CHD8: variants seen among roughly 807,000 people sequenced by gnomAD.
The protein encoded by CHD8 is chromodomain helicase DNA binding protein 8.
CHD8 carries 31 observed loss-of-function variants against 279.2 expected under a neutral mutation model. That is an observed-to-expected ratio of 0.11 (90% CI 0.08 to 0.15). The LOEUF (loss-of-function observed/expected upper bound fraction) is 0.15. Ranked by LOEUF, CHD8 falls within the 10% of genes least tolerant of loss-of-function variation. CHD8 has a pLI of 1.00. For synonymous variants in CHD8, 1,081 were observed against 1,139.6 expected (o/e 0.95, Z 1.04); for missense variants, 2,146 against 3,230.5 (o/e 0.66, Z 8.14).
At position 21,387,502 on chromosome 14, in the gene CHD8, C is replaced by T. The variant is rs796313306; in HGVS notation, c.7183-1326G>A. Among the ~76,000 whole-genome samples the T allele has an allele frequency of 2.3e-4, 35 of 152,182 alleles. 1 individual carries two copies. Among genetic ancestry groups the T allele is most frequent in the African/African-American group, 7.5e-4 (31 of 41,530 alleles). ...ACAACAAATTAGCTGGGCGTGGTGC[C>T]GCATGCCTGTAATCCCAGCTACTGG... On this transcript the variant is annotated intron_variant, in intron 37 of 37. Coordinates refer to ENST00000646647, the MANE Select transcript of CHD8 (RefSeq NM_001170629.2).
chr14:21,403,081 T>A lies in CHD8; in HGVS notation c.3650A>T (p.Asn1217Ile). 1 of 1,614,070 alleles carries A rather than the reference T, an allele frequency of 6.2e-7. No individual in the cohort carries two copies. Among genetic ancestry groups the A allele is most frequent in the Non-Finnish European group, 8.5e-7 (1 of 1,179,936 alleles). The change falls in exon 18 of 38, where the codon AAT (asparagine) becomes ATT (isoleucine). Residue 1217 changes from asparagine to isoleucine, a missense_variant. Transcript: ENST00000646647. The surrounding 1 kb of genome is among the most constrained non-coding windows in gnomAD (Gnocchi z 4.3). ...LCTRAGGLGI[N>I]LTAADTCIIF... is the part of the protein sequence containing the mutation. ...GATGCAGGTATCAGCAGCTGTAAGA[T>A]TAATACCAAGTCCACCAGCCCGGGT...
Position 21,385,497 on chromosome 14 carries a change from C to G in CHD8, c.*116G>C. ...TTTTTTTTTTTTTTCCTTTTCACCT[C>G]CTGGAGTCCTGGACTTCCCCACATC... On this transcript the variant is annotated 3_prime_UTR_variant, in exon 38 of 38. Transcript: ENST00000646647. 7.2e-7 allele frequency: 1 copy of G among 1,389,874 alleles called. No homozygotes were observed. The highest frequency in any genetic ancestry group is 2.6e-5 in the East Asian group (1 of 39,202). 86.1% of individuals were successfully genotyped at this position (1,389,874 alleles called of 1,614,324 possible).
intron 5 of CHD8, among the ~76,000 whole-genome samples, chr14:21,423,198 AC>A (rs1889131486): frequency 6.6e-6 from 1 of 152,210 alleles, no homozygotes; most frequent in Non-Finnish European, 1.5e-5. Context: ...AGCTTGGGCA[AC>A]AGAGCAGACT....
chr14:21,414,754 G>A (rs1469698549), intron 8 of CHD8, 184 bp downstream of exon 8: 15 of 641,178 alleles, frequency 2.3e-5, no homozygotes, highest in South Asian at 1.8e-4. Flanking sequence ...TTACCTACAA[G>A]GAAATAATAA....
chr14:21,416,676 T>C (rs1888738908), intron 5 of CHD8: 1 of 152,162 alleles, frequency 6.6e-6, no homozygotes, highest in Non-Finnish European at 1.5e-5. Flanking sequence ...AAGGATCAAA[T>C]GAAAGAACTA....
At chr14:21,444,708 A>C (rs1393306560) in intron 1 of CHD8, among the ~76,000 whole-genome samples, 2 of 152,188 alleles carry the variant, frequency 1.3e-5, no homozygotes, top group Non-Finnish European at 2.9e-5. Context: ...CTTTTTTAAA[A>C]AAAAAAATTT....
At chr14:21,435,011 A>G (rs1288359961) in intron 1 of CHD8, among the ~76,000 whole-genome samples, 1 of 152,206 alleles carries the variant, frequency 6.6e-6, no homozygotes, top group Non-Finnish European at 1.5e-5. Context: ...GTTTCAATGC[A>G]AAGTAACTGC....
intron 9 of CHD8, chr14:21,413,919 T>A (rs1888613801): frequency 5.9e-6 from 1 of 169,550 alleles, no homozygotes; most frequent in African/African-American, 2.4e-5. Flanking sequence ...TTTATCCCTA[T>A]TTCTAATCAC....
intron 13 of CHD8, among the ~76,000 whole-genome samples, chr14:21,407,781 A>T (rs1352163020): frequency 6.6e-6 from 1 of 151,868 alleles, no homozygotes; most frequent in Admixed American, 6.6e-5. Flanking sequence ...GCTAATTTTT[A>T]TATCTTTAGT....
chr14:21,394,385 T>C lies in CHD8; in HGVS notation c.5491A>G (p.Thr1831Ala), dbSNP rs369106513. The C allele has an allele frequency of 2.5e-5, 41 of 1,613,766 alleles. No homozygotes were observed. Among genetic ancestry groups the C allele is most frequent in the Admixed American group, 2.3e-4 (14 of 59,986 alleles). ...TMQFHWDRFR[T>A]FARLDKKTDE... ...GTCTTTTTGTCTAGTCGAGCAAAAG[T>C]GCGGAAGCGATCCCAATGGAACTGC... The change falls in exon 31 of 38, where the codon ACT becomes GCT. Residue 1831 changes from threonine to alanine, a missense_variant. By Grantham distance (58) the Thr-to-Ala change is moderately conservative. Coordinates refer to ENST00000646647, the MANE Select transcript of CHD8 (RefSeq NM_001170629.2).
intron 10 of CHD8, among the ~76,000 whole-genome samples, chr14:21,412,467 T>C (rs1888543597): frequency 6.6e-6 from 1 of 152,114 alleles, no homozygotes; most frequent in Non-Finnish European, 1.5e-5. Flanking sequence ...TAATGACAAA[T>C]GAAGAGACAT....
At chr14:21,437,354 C>CA (rs1889830591) in intron 1 of CHD8, 1 of 867,718 alleles carries the variant, frequency 1.2e-6, no homozygotes, top group Non-Finnish European at 1.5e-6. Context: ...CAAAACAGCG[C>CA]AAAGGGTGGG....
At chr14:21,391,731 G>T (rs1887551459) in intron 35 of CHD8, 89 bp from the exon 36 acceptor site, 10 of 1,518,458 alleles carry the variant, frequency 6.6e-6, no homozygotes, top group Non-Finnish European at 9.0e-6. Flanking sequence ...GTCATGAAAT[G>T]ACTCTAGTAT....
rs766995249 is a variant in CHD8, at chr14:21,431,094, T to C, written c.550A>G (p.Thr184Ala). 6.3e-7 allele frequency: 1 copy of C among 1,599,164 alleles called. No homozygotes were observed. Among genetic ancestry groups the C allele is most frequent in the South Asian group, 1.1e-5 (1 of 91,016 alleles). ...GCCACCAGGGGCTGAGCTGTGCTGGTGATACCTTGGGCCTGAATTTGTGCC... is the reference window on the plus strand; with the variant it reads ...GCCACCAGGGGCTGAGCTGTGCTGGCGATACCTTGGGCCTGAATTTGTGCC... ...HVAQIQAQGI[T>A]STAQPLVAGT... The change falls in exon 2 of 38, where the codon ACC (threonine) becomes GCC (alanine). Residue 184 changes from threonine to alanine, a missense_variant. By Grantham distance (58) the Thr-to-Ala change is moderately conservative (BLOSUM62 0). Transcript: ENST00000646647.
At position 21,408,615 on chromosome 14, in the gene CHD8, AGTAT is replaced by A; in HGVS notation, c.2487-64_2487-61del. The A allele has an allele frequency of 6.4e-7, 1 of 1,566,526 alleles. No homozygotes were observed. The highest frequency in any genetic ancestry group is 1.2e-5 in the South Asian group (1 of 84,708). ...AAGATACTATCTTTAAAAAAAATAG[AGTAT>A]GTAGGAAGAAATTGTTTCAATAGAA... On this transcript the variant is annotated intron_variant, in intron 12 of 37. Coordinates refer to ENST00000646647, the MANE Select transcript of CHD8 (RefSeq NM_001170629.2). The surrounding 1 kb of genome is among the most constrained non-coding windows in gnomAD (Gnocchi z 4.3).
chr14:21,412,633 C>G (rs1888551580), intron 10 of CHD8, among the ~76,000 whole-genome samples: 2 of 152,008 alleles, frequency 1.3e-5, no homozygotes, highest in Non-Finnish European at 2.9e-5. Flanking sequence ...AACTGTATGT[C>G]AAGAGTCTCC....
intron 14 of CHD8, 106 bp downstream of exon 14, chr14:21,406,750 C>T: frequency 8.8e-6 from 9 of 1,017,816 alleles, no homozygotes; most frequent in Non-Finnish European, 1.3e-5. Context: ...CTGTTCAATA[C>T]CACGATTCAG....
chr14:21,427,029 G>A (rs1416134031), intron 4 of CHD8: 1 of 152,164 alleles, frequency 6.6e-6, no homozygotes, highest in East Asian at 1.9e-4. Context: ...GCTTTTAAAG[G>A]TAACTCCCAG....
intron 1 of CHD8, among the ~76,000 whole-genome samples, chr14:21,440,514 T>C (rs766306515): frequency 1.5e-4 from 23 of 151,704 alleles, no homozygotes; most frequent in Admixed American, 3.3e-4. Context: ...GCCAAGAAAA[T>C]AGTTTCTTAA....
Sources: gnomAD v4.1 joint callset for allele counts (sites outside exome capture counted in the v4.1 genomes callset) on GRCh38, gnomAD v4.1.1 for gene constraint, Gnocchi (gnomAD v3.1) non-coding constraint, MANE v1.5 for transcripts, NCBI Gene and HGNC (gene_info 2026-07-23, HGNC 2026-07-21) for gene names.